The following KCNJ6 variants were observed in gnomAD, a reference collection of about 807,000 sequenced individuals.
The protein encoded by KCNJ6 is potassium inwardly rectifying channel subfamily J member 6.
Under a neutral mutation model 34.2 loss-of-function variants are expected in KCNJ6, and 9 were observed. That is an observed-to-expected ratio of 0.26 (90% CI 0.16 to 0.46). The LOEUF (loss-of-function observed/expected upper bound fraction) is 0.46. KCNJ6 is among the 20% of genes least tolerant of loss of function. The pLI, the probability that KCNJ6 is intolerant of heterozygous loss-of-function variation, is 1.00. For synonymous variants in KCNJ6, 196 were observed against 207.1 expected (o/e 0.95, Z 0.46); for missense variants, 236 against 531.3 (o/e 0.44, Z 5.46).
chr21:37,757,899 A>G (rs2055039258), intron 2 of KCNJ6, among the ~76,000 whole-genome samples: 1 of 152,272 alleles, frequency 6.6e-6, no homozygotes, highest in Non-Finnish European at 1.5e-5. Context: ...TTCCTAATTA[A>G]TACAACAACA....
At chr21:37,894,704 C>G (rs973989596) in intron 1 of KCNJ6, among the ~76,000 whole-genome samples, 5 of 152,032 alleles carry the variant, frequency 3.3e-5, no homozygotes, top group African/African-American at 1.2e-4. Flanking sequence ...ACTCAGCTCC[C>G]TCATGCAGCA....
At chr21:37,646,806 G>A (rs898914308) in intron 3 of KCNJ6, among the ~76,000 whole-genome samples, 24 of 152,040 alleles carry the variant, frequency 1.6e-4, no homozygotes, top group Admixed American at 1.3e-3. Context: ...CAGTAGCTGG[G>A]ACTACAGGCG....
chr21:37,767,437 A>G (rs1055266631), intron 2 of KCNJ6, among the ~76,000 whole-genome samples: 1 of 152,222 alleles, frequency 6.6e-6, no homozygotes, highest in Non-Finnish European at 1.5e-5. Context: ...TTCACAGAGC[A>G]GGAAGCAACC....
rs991993379 is a variant in KCNJ6 at position 37,618,604 on chromosome 21, G to A, written c.*6555C>T. The A allele has an allele frequency of 6.6e-6, 1 of 152,158 alleles. No individual in the cohort carries two copies. The highest frequency in any genetic ancestry group is 1.5e-5 in the Non-Finnish European group (1 of 68,034). 9.4% of individuals were successfully genotyped at this position (152,158 alleles called of 1,614,324 possible). ...TTGAAATGGGCAATTACACAAAGTC[G>A]GTAGGAACATTTCATTCTCTGAAAT... On this transcript the variant is annotated 3_prime_UTR_variant, in exon 4 of 4. Coordinates refer to ENST00000609713, the MANE Select transcript of KCNJ6 (RefSeq NM_002240.5).
At chr21:37,807,786 C>G (rs991075030) in intron 2 of KCNJ6, among the ~76,000 whole-genome samples, 1 of 152,188 alleles carries the variant, frequency 6.6e-6, no homozygotes, top group African/African-American at 2.4e-5. Flanking sequence ...ATCTTATACC[C>G]ATTTCATGGC....
At chr21:37,906,133 A>T (rs1234159326) in intron 1 of KCNJ6, among the ~76,000 whole-genome samples, 1 of 152,264 alleles carries the variant, frequency 6.6e-6, no homozygotes, top group African/African-American at 2.4e-5. Context: ...ATTCCAAAAT[A>T]CTAAGCAGTT....
At chr21:37,911,002 A>G in intron 1 of KCNJ6, among the ~76,000 whole-genome samples, 1 of 152,242 alleles carries the variant, frequency 6.6e-6, no homozygotes, top group East Asian at 1.9e-4. Flanking sequence ...GTATGATTAG[A>G]TCAAAGCTAT....
intron 2 of KCNJ6, among the ~76,000 whole-genome samples, chr21:37,796,779 CTTTT>C (rs1172378200): frequency 2.8e-5 from 2 of 71,488 alleles, no homozygotes; most frequent in East Asian, 4.8e-4. Flanking sequence ...TTCTTTCTTT[CTTTT>C]TTTTTTTTTT....
chr21:37,654,105 G>GT (rs537326162), intron 3 of KCNJ6, among the ~76,000 whole-genome samples: 3,182 of 122,720 alleles, frequency 0.026, 23 homozygotes, highest in East Asian at 0.032. Flanking sequence ...CACTTTGTGG[G>GT]TTTTTTTTTT....
intron 2 of KCNJ6, among the ~76,000 whole-genome samples, chr21:37,796,779 CT>C (rs1172378200): frequency 1.4e-4 from 10 of 71,476 alleles, no homozygotes; most frequent in African/African-American, 3.8e-4. Flanking sequence ...TTCTTTCTTT[CT>C]TTTTTTTTTT....
intron 3 of KCNJ6, among the ~76,000 whole-genome samples, chr21:37,646,973 A>G (rs2054408064): frequency 6.6e-6 from 1 of 152,088 alleles, no homozygotes; most frequent in African/African-American, 2.4e-5. Flanking sequence ...GTGCCTGGCC[A>G]AGTTTCAGTT....
intron 3 of KCNJ6, among the ~76,000 whole-genome samples, chr21:37,710,378 G>A (rs937311209): frequency 1.3e-5 from 2 of 152,244 alleles, no homozygotes; most frequent in Non-Finnish European, 2.9e-5. Context: ...AATGAGTGGG[G>A]ATACAGAGGA....
At chr21:37,909,538 G>T (rs1184514748) in intron 1 of KCNJ6, among the ~76,000 whole-genome samples, 1 of 151,992 alleles carries the variant, frequency 6.6e-6, no homozygotes, top group African/African-American at 2.4e-5. Flanking sequence ...GCTGATTTTT[G>T]TATTTTTAGT....
chr21:37,885,617 G>T (rs1249680030), intron 1 of KCNJ6, among the ~76,000 whole-genome samples: 1 of 152,206 alleles, frequency 6.6e-6, no homozygotes, highest in Non-Finnish European at 1.5e-5. Flanking sequence ...GAGGCACTGA[G>T]ACAGCAGTCC....
chr21:37,890,758 A>T (rs1448033883), intron 1 of KCNJ6, among the ~76,000 whole-genome samples: 3 of 152,184 alleles, frequency 2.0e-5, no homozygotes, highest in African/African-American at 4.8e-5. Context: ...TCCCACAGAC[A>T]TGGGGAGTGC....
intron 2 of KCNJ6, among the ~76,000 whole-genome samples, chr21:37,792,167 T>C (rs1022225593): frequency 6.6e-6 from 1 of 152,228 alleles, no homozygotes; most frequent in Non-Finnish European, 1.5e-5. Context: ...GAAGAAATAC[T>C]TCAGCCCATG....
At chr21:37,835,497 C>T (rs2055447221) in intron 2 of KCNJ6, among the ~76,000 whole-genome samples, 1 of 152,194 alleles carries the variant, frequency 6.6e-6, no homozygotes, top group Non-Finnish European at 1.5e-5. Flanking sequence ...TGTCAGCAGA[C>T]AATGACCATG....
At chr21:37,633,887 T>C (rs2054344843) in intron 3 of KCNJ6, among the ~76,000 whole-genome samples, 3 of 151,810 alleles carry the variant, frequency 2.0e-5, no homozygotes, top group African/African-American at 7.3e-5. Flanking sequence ...CCCAAGTTAC[T>C]TTATAGATTC....
At chr21:37,804,573 C>T (rs917028541) in intron 2 of KCNJ6, among the ~76,000 whole-genome samples, 1 of 152,150 alleles carries the variant, frequency 6.6e-6, no homozygotes, top group Non-Finnish European at 1.5e-5. Context: ...TCTCCCTCCT[C>T]CCATCCTCCA....
Sources: allele counts gnomAD v4.1 joint callset (sites outside exome capture counted in the v4.1 genomes callset), GRCh38; gene constraint gnomAD v4.1.1; transcripts MANE v1.5; gene names NCBI Gene and HGNC (gene_info 2026-07-23, HGNC 2026-07-21).